The following BICD2 variants were observed in gnomAD, a reference collection of about 807,000 sequenced individuals.
The protein encoded by BICD2 is BICD cargo adaptor 2.
In BICD2, 25 loss-of-function variants were observed where a neutral mutation model predicts 72.9. The ratio of observed to expected loss-of-function variants is 0.34; its 90% CI spans 0.25 to 0.48. BICD2 has a LOEUF of 0.48. BICD2 is among the 20% of genes least tolerant of loss of function. BICD2 has a pLI of 0.99. For synonymous variants in BICD2, 501 were observed against 516.1 expected (o/e 0.97, Z 0.40); for missense variants, 894 against 1,175.2 (o/e 0.76, Z 3.50).
chr9:92,720,387 G>A lies in BICD2; in HGVS notation c.975C>T (p.Leu325=), dbSNP rs368131334. The A allele has an allele frequency of 2.4e-5, 38 of 1,613,958 alleles. No homozygotes were observed. In the Middle Eastern group the frequency reaches 1.2e-3, roughly 49 times the overall value. ...AGACGAGGCTGGGGGAGGGCGGTGC[G>A]AGGCCCTCCTTCTTGGGCGTGGAGG... ...NKTSTPKKEG[L]APPSPSLVSD... is the part of the protein sequence containing the mutation. The change falls in exon 4 of 7, where the codon CTC becomes CTT. Residue 325 remains leucine (L), a synonymous_variant. Coordinates refer to ENST00000356884, the MANE Select transcript of BICD2 (RefSeq NM_001003800.2). This position sits in a 1 kb window ranked among gnomAD's most constrained non-coding sequence, Gnocchi z 5.4.
rs141825992 is a variant in BICD2 at position 92,730,218 on chromosome 9, C to T, written c.241-982G>A. Among the ~76,000 whole-genome samples, 3 of 152,330 alleles carry T rather than the reference C, an allele frequency of 2.0e-5. No individual in the cohort carries two copies. In the East Asian group the frequency reaches 5.8e-4, roughly 29 times the overall value. ...TGGCCACTCCACCACAGAGCTCTTG[C>T]AGAAGACCTTATCTTTTTACATTAA... On this transcript the variant is annotated intron_variant, in intron 1 of 6. Transcript: ENST00000356884.
chr9:92,714,798 G>A lies in BICD2; in HGVS notation c.*356C>T, dbSNP rs549464456. 2.4e-5 allele frequency: 25 copies of A among 1,046,396 alleles called. 1 individual carries two copies. The African/African-American group carries it at 2.5e-4, about 11-fold the overall frequency. 64.8% of individuals were successfully genotyped at this position (1,046,396 alleles called of 1,614,324 possible). A position where few individuals can be genotyped will look rare whatever the true frequency, so the allele number is the denominator to read the frequency against. ...TCAACTCAGGTTCTGCCCCTTTTGG[G>A]TGCTGAGGGAGCAGGACCAGGACTC... On this transcript the variant is annotated 3_prime_UTR_variant, in exon 7 of 7. Transcript: ENST00000356884.
rs10992429 is a variant in BICD2 at position 92,713,365 on chromosome 9, G to T, written c.*1789C>A. 102,604 of 1,393,078 alleles carry T rather than the reference G, an allele frequency of 0.074. 4,314 individuals carry two copies. Among genetic ancestry groups the T allele is most frequent in the Middle Eastern group, 0.16 (646 of 4,046 alleles). The allele number at this position is 1,393,078 out of a possible 1,614,324, so 86.3% of individuals were successfully genotyped here. A position where few individuals can be genotyped will look rare whatever the true frequency, so the allele number is the denominator to read the frequency against. ...AAGTTTCTAAGTGGGCTTTTAGGTT[G>T]CCCTTCCTTCCTCCTTGTGGGCCAC... is the stretch of plus-strand genomic sequence containing the variant. On this transcript the variant is annotated 3_prime_UTR_variant, in exon 7 of 7. Coordinates refer to ENST00000356884, the MANE Select transcript of BICD2 (RefSeq NM_001003800.2).
At position 92,718,966 on chromosome 9, in the gene BICD2, C is replaced by T. The variant is rs773956882; in HGVS notation, c.1679G>A (p.Gly560Asp). The change falls in exon 5 of 7, where the codon GGC becomes GAC. Residue 560 changes from glycine (G) to aspartate (D), a missense_variant. Gly to Asp is a moderately conservative substitution (Grantham distance 94). Around this residue, in one of 5 missense-constraint regions of BICD2, gnomAD observed 321 missense variants for 443.9 expected, o/e 0.72. Coordinates refer to ENST00000356884, the MANE Select transcript of BICD2 (RefSeq NM_001003800.2). ...NRVMLDYYRE[G>D]QGGAGRTSPG... ...ACTGGTGCGGCCGGCCCCGCCCTGG[C>T]CCTCGCGGTAGTAGTCCAGCATGAC... The T allele has an allele frequency of 6.2e-7, 1 of 1,610,324 alleles. No homozygotes were observed. The highest frequency in any genetic ancestry group is 8.5e-7 in the Non-Finnish European group (1 of 1,179,892).
intron 5 of BICD2, 51 bp from the exon 6 acceptor site, chr9:92,717,999 A>G (rs1853358582): frequency 6.3e-7 from 1 of 1,576,878 alleles, no homozygotes; most frequent in Non-Finnish European, 8.6e-7. Flanking sequence ...AAGTCAGCCT[A>G]GAGGTGCTCT....
chr9:92,742,312 T>C (rs1164725647), intron 1 of BICD2, among the ~76,000 whole-genome samples: 1 of 152,154 alleles, frequency 6.6e-6, no homozygotes, highest in East Asian at 1.9e-4. Flanking sequence ...CCTTTTAAAG[T>C]GTACCATTCA....
At chr9:92,721,101 C>T (rs533887944) in intron 3 of BICD2, among the ~76,000 whole-genome samples, 1 of 152,340 alleles carries the variant, frequency 6.6e-6, no homozygotes, top group East Asian at 1.9e-4. Flanking sequence ...GCACCAAGAA[C>T]AACACACATC....
chr9:92,739,515 T>C (rs1853856625), intron 1 of BICD2, among the ~76,000 whole-genome samples: 2 of 152,200 alleles, frequency 1.3e-5, no homozygotes, highest in South Asian at 2.1e-4. Context: ...TTTACTGTTT[T>C]GAAGCAGTAT....
chr9:92,757,150 C>T (rs552174549), intron 1 of BICD2, among the ~76,000 whole-genome samples: 1 of 152,002 alleles, frequency 6.6e-6, no homozygotes, highest in South Asian at 2.1e-4. Context: ...CCCGCCTCTA[C>T]TAAAATACAA....
Position 92,717,782 on chromosome 9 carries a change from C to A in BICD2, c.2258+15G>T. The A allele has an allele frequency of 6.3e-7, 1 of 1,599,590 alleles. No individual in the cohort carries two copies. Among genetic ancestry groups the A allele is most frequent in the Non-Finnish European group, 8.5e-7 (1 of 1,173,176 alleles). The stretch of plus-strand genomic sequence containing the variant: ...GGCCTTGTGGAAGGGGAGGGCCCGA[C>A]AGCAGCACGGTTACCTGGTGGCAAA... On this transcript the variant is annotated intron_variant, in intron 6 of 6. Transcript: ENST00000356884.
chr9:92,716,942 C>G (rs1452748840), intron 6 of BICD2, among the ~76,000 whole-genome samples: 1 of 152,206 alleles, frequency 6.6e-6, no homozygotes, highest in African/African-American at 2.4e-5. Context: ...CTCACCCTCC[C>G]CAGATTGGCA....
At chr9:92,727,099 T>G (rs766235229) in intron 2 of BICD2, among the ~76,000 whole-genome samples, 1 of 152,154 alleles carries the variant, frequency 6.6e-6, no homozygotes, top group South Asian at 2.1e-4. Flanking sequence ...AATGAGATCA[T>G]GTACTGCCGC....
chr9:92,729,017 C>T lies in BICD2; in HGVS notation c.453+7G>A. 1 of 1,613,362 alleles carries T rather than the reference C, an allele frequency of 6.2e-7. No homozygotes were observed. Among genetic ancestry groups the T allele is most frequent in the Non-Finnish European group, 8.5e-7 (1 of 1,179,550 alleles). On this transcript the variant is annotated splice_region_variant and intron_variant, in intron 2 of 6. Transcript: ENST00000356884. ...GCCACAGACTAGGCCCCTCCTCACC[C>T]CCTCACCTCCTTCAGCTCCTGGGCC...
chr9:92,758,465 T>C (rs187349257), intron 1 of BICD2, among the ~76,000 whole-genome samples: 1 of 145,542 alleles, frequency 6.9e-6, no homozygotes, highest in East Asian at 2.1e-4. Flanking sequence ...GGCATGAGAA[T>C]CACTTGAACT....
chr9:92,713,320 A>C lies in BICD2; in HGVS notation c.*1834T>G. Reference sequence around the variant, plus strand: ...CCTGGGGAATGCTATTTTGAAAAGAATTGCAGTGGCATATCCAAAAAGTTT... The same window carrying C: ...CCTGGGGAATGCTATTTTGAAAAGACTTGCAGTGGCATATCCAAAAAGTTT... On this transcript the variant is annotated 3_prime_UTR_variant, in exon 7 of 7. Transcript: ENST00000356884. 1 of 919,100 alleles carries C rather than the reference A, an allele frequency of 1.1e-6. No individual in the cohort carries two copies. Among genetic ancestry groups the C allele is most frequent in the Non-Finnish European group, 1.7e-6 (1 of 592,814 alleles). The allele number at this position is 919,100 out of a possible 1,614,324, so 56.9% of individuals were successfully genotyped here.
In BICD2 at chr9:92,720,793, G is replaced by A. The variant is rs1853450307; in HGVS notation, c.607-38C>T. 3.1e-6 allele frequency: 5 copies of A among 1,588,526 alleles called. No individual in the cohort carries two copies. The highest frequency in any genetic ancestry group is 4.3e-6 in the Non-Finnish European group (5 of 1,165,004). Reference sequence around the variant, plus strand: ...GTCAACGCTCTTGCATCAATGCAATGTGGAAGCTCCTTTCAGGCCCCATAA... The same window carrying A: ...GTCAACGCTCTTGCATCAATGCAATATGGAAGCTCCTTTCAGGCCCCATAA... On this transcript the variant is annotated intron_variant, in intron 3 of 6. Transcript: ENST00000356884. The surrounding 1 kb of genome is among the most constrained non-coding windows in gnomAD (Gnocchi z 5.4).
At chr9:92,718,466 G>A in intron 5 of BICD2, 73 bp downstream of exon 5, 1 of 1,523,544 alleles carries the variant, frequency 6.6e-7, no homozygotes, top group Admixed American at 2.0e-5. Context: ...GGCAGGGGGA[G>A]GAAGGAGGCC....
At chr9:92,757,143 G>A (rs1042100939) in intron 1 of BICD2, among the ~76,000 whole-genome samples, 2 of 151,770 alleles carry the variant, frequency 1.3e-5, no homozygotes, top group Admixed American at 6.6e-5. Context: ...GTGAAACCCC[G>A]CCTCTACTAA....
intron 2 of BICD2, among the ~76,000 whole-genome samples, chr9:92,723,767 G>A (rs1446596059): frequency 6.6e-6 from 1 of 152,232 alleles, no homozygotes; most frequent in African/African-American, 2.4e-5. Context: ...GCCAAGAGAT[G>A]TCATGGGAGA....
Sources: gnomAD v4.1 joint callset for allele counts (sites outside exome capture counted in the v4.1 genomes callset) on GRCh38, gnomAD v4.1.1 for gene constraint, gnomAD v4.1.1 regional missense constraint, Gnocchi (gnomAD v3.1) non-coding constraint, MANE v1.5 for transcripts, NCBI Gene and HGNC (gene_info 2026-07-23, HGNC 2026-07-21) for gene names.